The following PARPBP variants were observed in gnomAD, a reference collection of about 807,000 sequenced individuals.
PARPBP encodes the protein PCNA-interacting partner.
Under a neutral mutation model 50.0 loss-of-function variants are expected in PARPBP, and 52 were observed. That is an observed-to-expected ratio of 1.04 (90% CI 0.83 to 1.31). PARPBP has a LOEUF of 1.31. Among genes scored for constraint, PARPBP ranks in the 50% most tolerant of loss-of-function variants. PARPBP has a pLI of 0.00. For synonymous variants in PARPBP, 244 were observed against 232.1 expected, an observed-to-expected ratio of 1.05 and a Z score of -0.47; for missense variants, 697 against 672.0, an observed-to-expected ratio of 1.04 and a Z score of -0.41.
intron 5 of PARPBP, 29 bp downstream of exon 5, chr12:102,164,637 A>G (rs763923965): frequency 1.3e-6 from 2 of 1,591,544 alleles, no homozygotes; most frequent in Non-Finnish European, 1.7e-6. Flanking sequence ...TTCAAAATTA[A>G]GACTCCTTGC....
intron 2 of PARPBP, among the ~76,000 whole-genome samples, chr12:102,144,819 G>A (rs1408866280): frequency 6.6e-6 from 1 of 152,070 alleles, no homozygotes. Flanking sequence ...AACCTTTGTG[G>A]GGTTGGGGAG....
chr12:102,189,762 G>A (rs546933054), intron 9 of PARPBP, among the ~76,000 whole-genome samples: 1 of 152,232 alleles, frequency 6.6e-6, no homozygotes, highest in South Asian at 2.1e-4. Flanking sequence ...GGAAGATTAA[G>A]GACAGTATGC....
intron 2 of PARPBP, among the ~76,000 whole-genome samples, chr12:102,142,030 C>A (rs1380971842): frequency 6.6e-6 from 1 of 152,160 alleles, no homozygotes; most frequent in Admixed American, 6.5e-5. Flanking sequence ...TGAATGTTGG[C>A]CTGCCCTGCT....
chr12:102,181,973 T>C (rs942456314), intron 8 of PARPBP, among the ~76,000 whole-genome samples: 1 of 152,112 alleles, frequency 6.6e-6, no homozygotes. Flanking sequence ...ATCCTGTTCA[T>C]GAAGGCAGAG....
chr12:102,178,900 G>GT, intron 8 of PARPBP, 130 bp downstream of exon 8: 1 of 561,400 alleles, frequency 1.8e-6, no homozygotes, highest in Non-Finnish European at 3.0e-6. Flanking sequence ...TTAATTAAAG[G>GT]GAGATTGAAC....
At position 102,196,733 on chromosome 12, in the gene PARPBP, AG is replaced by A; in HGVS notation, c.*444del. Reference sequence around the variant, plus strand: ...GAAGAAGAAAGTTTAAATTGTTTAAAGGACTATAATTATCACACAAAATTTA... The same window carrying A: ...GAAGAAGAAAGTTTAAATTGTTTAAAGACTATAATTATCACACAAAATTTA... On this transcript the variant is annotated 3_prime_UTR_variant, in exon 11 of 11. Transcript: ENST00000327680. 3 of 1,535,820 alleles carry A rather than the reference AG, an allele frequency of 2.0e-6. No homozygotes were observed. Among genetic ancestry groups the A allele is most frequent in the Non-Finnish European group, 2.7e-6 (3 of 1,110,836 alleles).
intron 1 of PARPBP, among the ~76,000 whole-genome samples, chr12:102,122,633 T>C (rs1881332769): frequency 6.6e-6 from 1 of 152,232 alleles, no homozygotes; most frequent in Admixed American, 6.5e-5. Flanking sequence ...GTCTTGGGTA[T>C]ATGAAACATT....
intron 6 of PARPBP, among the ~76,000 whole-genome samples, chr12:102,170,772 T>C (rs1888607627): frequency 6.6e-6 from 1 of 151,462 alleles, no homozygotes; most frequent in Non-Finnish European, 1.5e-5. Flanking sequence ...AATTTGACTA[T>C]GAATTTTTTA....
chr12:102,179,355 G>A (rs1168312315), intron 8 of PARPBP, among the ~76,000 whole-genome samples: 1 of 152,190 alleles, frequency 6.6e-6, no homozygotes, highest in Non-Finnish European at 1.5e-5. Context: ...ATTAATGCTG[G>A]TATTATGTGT....
chr12:102,156,176 C>CTTTTTTTTTTTTTT lies in PARPBP; in HGVS notation c.495+2215_495+2228dup, dbSNP rs869213784. On this transcript the variant is annotated intron_variant, in intron 4 of 10. Transcript: ENST00000327680. ...CATATTTGGCTCAGAATTAACCTTC[C>CTTTTTTTTTTTTTT]TTTTTTTTTTTTTTTTTTTTTTTTT... Among the ~76,000 whole-genome samples the CTTTTTTTTTTTTTT allele has an allele frequency of 1.4e-4, 9 of 66,176 alleles. 3 individuals carry two copies. Among genetic ancestry groups the CTTTTTTTTTTTTTT allele is most frequent in the African/African-American group, 6.1e-4 (9 of 14,768 alleles). The allele number at this position is 66,176 out of a possible 152,430, so 43.4% of individuals were successfully genotyped here.
Position 102,175,565 on chromosome 12 carries a change from A to C in PARPBP, c.904A>C (p.Ile302Leu), listed in dbSNP as rs753181434. ...CAGCAGGGATCCTTTTTGCAAAGCA[A>C]TAGAGGAAGTTGCTCAGGATTTGGA... The part of the protein sequence containing the change: ...QNSRDPFCKA[I>L]EEVAQDLDLR... The change falls in exon 7 of 11, where the codon ATA becomes CTA. Residue 302 changes from isoleucine (I) to leucine (L), a missense_variant. By Grantham distance (5) the Ile-to-Leu change is conservative. Coordinates refer to ENST00000327680, the MANE Select transcript of PARPBP (RefSeq NM_017915.5). 2 of 1,613,376 alleles carry C rather than the reference A, an allele frequency of 1.2e-6. No homozygotes were observed. The highest frequency in any genetic ancestry group is 1.7e-5 in the Admixed American group (1 of 60,032).
chr12:102,196,142 CAT>C lies in PARPBP; in HGVS notation c.1593_1594del (p.His531GlnfsTer4). 1 of 1,611,880 alleles carries C rather than the reference CAT, an allele frequency of 6.2e-7. No homozygotes were observed. Among genetic ancestry groups the C allele is most frequent in the Non-Finnish European group, 8.5e-7 (1 of 1,178,514 alleles). Reference protein sequence around the residue: ...LCDNRNEPPQHKNAKIPKKSN... With the variant: ...LCDNRNEPPQXKNAKIPKKSN... ...TGATAATAGAAATGAACCACCTCAA[CAT>C]AAAAATGCTAAAATACCTAAGAAAT... On this transcript the variant is annotated frameshift_variant, in exon 11 of 11. Transcript: ENST00000327680. LOFTEE classifies it low-confidence loss of function (END_TRUNC).
intron 3 of PARPBP, among the ~76,000 whole-genome samples, chr12:102,150,870 C>G (rs985894915): frequency 1.4e-4 from 21 of 152,174 alleles, no homozygotes; most frequent in African/African-American, 5.1e-4. Context: ...AATAGATGGG[C>G]TCACTTCTTG....
At chr12:102,134,078 A>G (rs1050419271) in intron 2 of PARPBP, among the ~76,000 whole-genome samples, 16 of 151,886 alleles carry the variant, frequency 1.1e-4, no homozygotes, top group African/African-American at 3.6e-4. Flanking sequence ...CTAAGCCCAA[A>G]CTTAGCAGAA....
chr12:102,155,257 T>G (rs1005607764), intron 4 of PARPBP: 1 of 153,232 alleles, frequency 6.5e-6, no homozygotes, highest in African/African-American at 2.4e-5. Context: ...CACTCCAGCC[T>G]GAGTGACAGA....
Position 102,144,518 on chromosome 12 carries a change from C to T in PARPBP, c.154-3712C>T, listed in dbSNP as rs78056174. ...ATCATGAAAACTGATATCTGGAGTGCATTTTTATTTGGATTTAAAATGTTT... is the reference window on the plus strand; with the variant it reads ...ATCATGAAAACTGATATCTGGAGTGTATTTTTATTTGGATTTAAAATGTTT... On this transcript the variant is annotated intron_variant, in intron 2 of 10. Coordinates refer to ENST00000327680, the MANE Select transcript of PARPBP (RefSeq NM_017915.5). Among the ~76,000 whole-genome samples the T allele has an allele frequency of 6.9e-3, 1,047 of 152,252 alleles. 4 individuals carry two copies. The highest frequency in any genetic ancestry group is 0.011 in the Non-Finnish European group (721 of 67,988).
intron 9 of PARPBP, among the ~76,000 whole-genome samples, chr12:102,193,847 G>C (rs984585771): frequency 1.1e-4 from 16 of 151,868 alleles, no homozygotes; most frequent in Admixed American, 8.6e-4. Context: ...GAAGGTAGTG[G>C]GTTGTGAGTC....
intron 9 of PARPBP, among the ~76,000 whole-genome samples, 170 bp downstream of exon 9, chr12:102,182,797 A>G (rs916716074): frequency 3.3e-5 from 5 of 152,228 alleles, no homozygotes; most frequent in East Asian, 1.9e-4. Flanking sequence ...CTTTCCTTTT[A>G]TACAGTCTTG....
intron 7 of PARPBP, among the ~76,000 whole-genome samples, chr12:102,177,590 G>T (rs539989490): frequency 2.0e-5 from 3 of 151,528 alleles, no homozygotes; most frequent in Non-Finnish European, 2.9e-5. Context: ...TACTATCTTA[G>T]TTCAGAACTC....
Sources: gnomAD v4.1 joint callset for allele counts (sites outside exome capture counted in the v4.1 genomes callset) on GRCh38, gnomAD v4.1.1 for gene constraint, MANE v1.5 for transcripts, NCBI Gene and HGNC (gene_info 2026-07-23, HGNC 2026-07-21) for gene names.